PIEZO2: variants seen among roughly 807,000 people sequenced by gnomAD.
PIEZO2 encodes piezo-type mechanosensitive ion channel component 2.
PIEZO2 carries 172 observed loss-of-function variants against 337.3 expected under a neutral mutation model. The observed-to-expected ratio is 0.51, with a 90% CI of 0.45 to 0.58. The LOEUF is 0.58. Ranked by LOEUF, PIEZO2 falls within the 20% of genes least tolerant of loss-of-function variation. PIEZO2 has a pLI of 0.00. For missense variants in PIEZO2, 3,028 were observed against 3,391.3 expected (o/e 0.89, Z 2.66); for synonymous variants, 1,251 against 1,228.5 (o/e 1.02, Z -0.38).
rs963006195 is a variant in PIEZO2, at chr18:10,943,419, C to T, written c.287-32191G>A. ...TCAGTGTGACCTGGATGTGAGACAT[C>T]GAGTCACAGGAGACCATTTCGGAGC... On this transcript the variant is annotated intron_variant, in intron 3 of 55. Transcript: ENST00000674853. The surrounding 1 kb of genome is among the most constrained non-coding windows in gnomAD (Gnocchi z 4.5). Among the ~76,000 whole-genome samples the T allele has an allele frequency of 3.9e-5, 6 of 152,192 alleles. No homozygotes were observed. Among genetic ancestry groups the T allele is most frequent in the African/African-American group, 9.6e-5 (4 of 41,452 alleles).
chr18:10,997,599 C>T (rs377243373), intron 2 of PIEZO2, among the ~76,000 whole-genome samples: 2 of 151,976 alleles, frequency 1.3e-5, no homozygotes, highest in South Asian at 4.1e-4. Flanking sequence ...AAAATATTAA[C>T]AACAGAAAAA....
intron 3 of PIEZO2, among the ~76,000 whole-genome samples, chr18:10,971,490 G>T (rs1158931403): frequency 1.3e-5 from 2 of 152,178 alleles, no homozygotes; most frequent in Non-Finnish European, 2.9e-5. Context: ...CTTGGAGGAG[G>T]TGGTAGGGAC....
At chr18:10,734,472 G>A (rs913299934) in intron 35 of PIEZO2, among the ~76,000 whole-genome samples, 3 of 152,314 alleles carry the variant, frequency 2.0e-5, no homozygotes, top group East Asian at 3.9e-4. Context: ...TGTCACTATC[G>A]AACTACTCGC....
intron 4 of PIEZO2, among the ~76,000 whole-genome samples, chr18:10,891,159 A>G (rs1215888766): frequency 6.6e-6 from 1 of 152,124 alleles, no homozygotes; most frequent in Non-Finnish European, 1.5e-5. Context: ...CCCTGTCTCT[A>G]TTAAAAATAC....
chr18:10,823,784 T>C (rs2040589751), intron 7 of PIEZO2, among the ~76,000 whole-genome samples: 1 of 152,192 alleles, frequency 6.6e-6, no homozygotes, highest in Non-Finnish European at 1.5e-5. Flanking sequence ...CACAAGAGAC[T>C]GACATGAATG....
At chr18:10,751,260 C>T (rs939147874) in intron 28 of PIEZO2, among the ~76,000 whole-genome samples, 1 of 152,166 alleles carries the variant, frequency 6.6e-6, no homozygotes, top group Non-Finnish European at 1.5e-5. Context: ...AACAGGTCTA[C>T]AGTACAGGTT....
At chr18:10,831,870 G>A (rs2040852129) in intron 7 of PIEZO2, among the ~76,000 whole-genome samples, 1 of 152,102 alleles carries the variant, frequency 6.6e-6, no homozygotes, top group Non-Finnish European at 1.5e-5. Context: ...CCTAAGTCTG[G>A]GTGAGGTTCA....
In PIEZO2 at chr18:11,097,617, C is replaced by T. The variant is rs968698142; in HGVS notation, c.65-31395G>A. ...CACCACCAAAACAAGTTGTCTTCAC[C>T]TGGATGCTCCCCTTCACATATTAGT... On this transcript the variant is annotated intron_variant, in intron 1 of 55. Coordinates refer to ENST00000674853, the MANE Select transcript of PIEZO2 (RefSeq NM_001378183.1). The surrounding 1 kb of genome is among the most constrained non-coding windows in gnomAD (Gnocchi z 5.0). 6.6e-6 allele frequency among the ~76,000 whole-genome samples: 1 copy of T among 152,230 alleles called. No homozygotes were observed. Among genetic ancestry groups the T allele is most frequent in the African/African-American group, 2.4e-5 (1 of 41,464 alleles).
intron 4 of PIEZO2, chr18:10,890,523 G>A (rs1360387326): frequency 6.6e-6 from 1 of 152,202 alleles, no homozygotes; most frequent in African/African-American, 2.4e-5. Context: ...TAAAATCATG[G>A]CAGAAGAAGA....
chr18:10,827,070 T>C (rs771998592), intron 7 of PIEZO2, among the ~76,000 whole-genome samples: 5 of 152,188 alleles, frequency 3.3e-5, no homozygotes, highest in Admixed American at 1.3e-4. Flanking sequence ...AGAAAATAGA[T>C]ATATATTTAT....
rs1470044360 is a variant in PIEZO2 at position 11,048,590 on chromosome 18, G to A, written c.160+17537C>T. ...ACTATTAATTTTATAGTAAGATACAGCAGAATGAGGGAAATGCTTATATAG... is the reference window on the plus strand; with the variant it reads ...ACTATTAATTTTATAGTAAGATACAACAGAATGAGGGAAATGCTTATATAG... On this transcript the variant is annotated intron_variant, in intron 2 of 55. Transcript: ENST00000674853. This position sits in a 1 kb window ranked among gnomAD's most constrained non-coding sequence, Gnocchi z 4.5. 2.6e-5 allele frequency among the ~76,000 whole-genome samples: 4 copies of A among 152,204 alleles called. No individual in the cohort carries two copies. Among genetic ancestry groups the A allele is most frequent in the African/African-American group, 9.6e-5 (4 of 41,452 alleles).
Position 10,856,784 on chromosome 18 carries a change from G to A in PIEZO2, c.703+217C>T, listed in dbSNP as rs2041716588. 6.6e-6 allele frequency among the ~76,000 whole-genome samples: 1 copy of A among 152,156 alleles called. No individual in the cohort carries two copies. The highest frequency in any genetic ancestry group is 2.4e-5 in the African/African-American group (1 of 41,434). ...TATAGAAAAAGATTATTTTGCAGAG[G>A]TTAACAGAAACCATCTAAAAACATC... is the stretch of plus-strand genomic sequence containing the variant. On this transcript the variant is annotated intron_variant, in intron 6 of 55. Coordinates refer to ENST00000674853, the MANE Select transcript of PIEZO2 (RefSeq NM_001378183.1). The surrounding 1 kb of genome is among the most constrained non-coding windows in gnomAD (Gnocchi z 4.7).
At chr18:10,776,176 A>G (rs1257194412) in intron 18 of PIEZO2, among the ~76,000 whole-genome samples, 1 of 152,196 alleles carries the variant, frequency 6.6e-6, no homozygotes, top group Non-Finnish European at 1.5e-5. Flanking sequence ...AAGAACGTTA[A>G]AAGACTTGGG....
intron 36 of PIEZO2, among the ~76,000 whole-genome samples, chr18:10,725,951 C>T (rs1451461307): frequency 6.6e-6 from 1 of 152,234 alleles, no homozygotes; most frequent in Non-Finnish European, 1.5e-5. Context: ...TGTCCCTCTT[C>T]ATCGAGAATC....
rs917498458 is a variant in PIEZO2, at chr18:10,877,861, T to C, written c.330-6446A>G. Among the ~76,000 whole-genome samples the C allele has an allele frequency of 3.9e-5, 6 of 152,080 alleles. No homozygotes were observed. Among genetic ancestry groups the C allele is most frequent in the African/African-American group, 1.4e-4 (6 of 41,396 alleles). On this transcript the variant is annotated intron_variant, in intron 4 of 55. Coordinates refer to ENST00000674853, the MANE Select transcript of PIEZO2 (RefSeq NM_001378183.1). This position sits in a 1 kb window ranked among gnomAD's most constrained non-coding sequence, Gnocchi z 5.3. ...TCCACATCCCAGATCTGGTTTCCCT[T>C]ATCTCTTGCCATCATTTCCCTCTAC...
rs1327088763 is a variant in PIEZO2, at chr18:11,016,149, A to C, written c.161-36489T>G. 6.6e-6 allele frequency among the ~76,000 whole-genome samples: 1 copy of C among 152,152 alleles called. No homozygotes were observed. Among genetic ancestry groups the C allele is most frequent in the Non-Finnish European group, 1.5e-5 (1 of 68,036 alleles). On this transcript the variant is annotated intron_variant, in intron 2 of 55. Transcript: ENST00000674853. This position sits in a 1 kb window ranked among gnomAD's most constrained non-coding sequence, Gnocchi z 5.6. ...ACCTCTGTTAATACCTCAATTTAGCAAATGTAATGAGTACTGTGGGTAAGA... is the reference window on the plus strand; with the variant it reads ...ACCTCTGTTAATACCTCAATTTAGCCAATGTAATGAGTACTGTGGGTAAGA...
At chr18:11,063,615 T>C (rs1402752229) in intron 2 of PIEZO2, among the ~76,000 whole-genome samples, 2 of 152,150 alleles carry the variant, frequency 1.3e-5, no homozygotes, top group Non-Finnish European at 2.9e-5. Flanking sequence ...TGCTTACATG[T>C]ATGAATCCCA....
At position 10,975,783 on chromosome 18, in the gene PIEZO2, A is replaced by G. The variant is rs149401224; in HGVS notation, c.286+3752T>C. Among the ~76,000 whole-genome samples, 553 of 152,314 alleles carry G rather than the reference A, an allele frequency of 3.6e-3. 8 individuals are homozygous for G. Among genetic ancestry groups the G allele is most frequent in the African/African-American group, 0.013 (529 of 41,562 alleles). ...GAAGTTGTTAGGAAAACAAAATTTA[A>G]CACCTATAAATGAGCGCTTGGTGGT... On this transcript the variant is annotated intron_variant, in intron 3 of 55. Coordinates refer to ENST00000674853, the MANE Select transcript of PIEZO2 (RefSeq NM_001378183.1).
At chr18:10,800,033 TC>T (rs1467724134) in intron 11 of PIEZO2, among the ~76,000 whole-genome samples, 2 of 151,704 alleles carry the variant, frequency 1.3e-5, no homozygotes, top group Non-Finnish European at 2.9e-5. Flanking sequence ...AATTACAATA[TC>T]AACTAAAAGA....
Sources: allele counts gnomAD v4.1 joint callset (sites outside exome capture counted in the v4.1 genomes callset), GRCh38; gene constraint gnomAD v4.1.1; non-coding constraint Gnocchi (gnomAD v3.1); transcripts MANE v1.5; gene names NCBI Gene and HGNC (gene_info 2026-07-23, HGNC 2026-07-21).